The following NRP2 variants were observed in gnomAD, a reference collection of about 807,000 sequenced individuals.
NRP2 encodes neuropilin 2, also known as neuropilin-2.
Under a neutral mutation model 110.4 loss-of-function variants are expected in NRP2, and 52 were observed. That is an observed-to-expected ratio of 0.47 (90% CI 0.38 to 0.59). The LOEUF is 0.59. Ranked by LOEUF, NRP2 falls within the 20% of genes least tolerant of loss-of-function variation. The probability of loss-of-function intolerance (pLI) is 0.00; values close to 1 mark genes in which losing one functional copy is unlikely to be tolerated. For synonymous variants in NRP2, 508 were observed against 468.9 expected (o/e 1.08, Z -1.08); for missense variants, 1,049 against 1,203.0 (o/e 0.87, Z 1.89).
intron 1 of NRP2, among the ~76,000 whole-genome samples, chr2:205,685,331 C>T (rs1284815451): frequency 6.6e-6 from 1 of 152,212 alleles, no homozygotes. Context: ...CGATCTCAAG[C>T]CGTGAGCTGC....
In NRP2 at chr2:205,766,900, T is replaced by A. The variant is rs1046974339; in HGVS notation, c.2425+97T>A. ...GATGGGGGGAATCAACCTCCAAATTTGTCAAATCTCGCAAGAGAAAAGAGA... is the reference window on the plus strand; with the variant it reads ...GATGGGGGGAATCAACCTCCAAATTAGTCAAATCTCGCAAGAGAAAAGAGA... On this transcript the variant is annotated intron_variant, in intron 15 of 16. Transcript: ENST00000357785. The A allele has an allele frequency of 2.7e-5, 32 of 1,165,724 alleles. No individual in the cohort carries two copies. The East Asian group carries it at 7.5e-4, about 27-fold the overall frequency. 72.2% of individuals were successfully genotyped at this position (1,165,724 alleles called of 1,614,324 possible).
In NRP2 at chr2:205,722,595, A is replaced by G; in HGVS notation, c.551A>G (p.Lys184Arg). The G allele has an allele frequency of 6.2e-7, 1 of 1,614,228 alleles. No homozygotes were observed. The highest frequency in any genetic ancestry group is 8.5e-7 in the Non-Finnish European group (1 of 1,180,032). The change falls in exon 4 of 17, where the codon AAG becomes AGG. Residue 184 changes from lysine (K) to arginine (R), a missense_variant. Transcript: ENST00000357785. ...DCTFTILAKP[K>R]MEIILQFLIF... is the part of the protein sequence containing the mutation. ...ACCTTTACCATCCTGGCCAAACCCA[A>G]GATGGAGATCATCCTGCAGTTCCTG...
At chr2:205,687,161 C>T (rs549000081) in intron 1 of NRP2, among the ~76,000 whole-genome samples, 1 of 152,240 alleles carries the variant, frequency 6.6e-6, no homozygotes, top group African/African-American at 2.4e-5. Flanking sequence ...GTCAATTCAC[C>T]CTTCCGTCTG....
intron 7 of NRP2, among the ~76,000 whole-genome samples, chr2:205,734,814 T>C (rs2057314106): frequency 6.6e-6 from 1 of 152,222 alleles, no homozygotes; most frequent in East Asian, 1.9e-4. Flanking sequence ...GAACATCTCG[T>C]GCACAATGTC....
chr2:205,701,036 G>T, intron 2 of NRP2: 1 of 204,438 alleles, frequency 4.9e-6, no homozygotes. Context: ...GAGGCCTTTC[G>T]CTTGAGTCAT....
At chr2:205,717,913 T>C (rs563002547) in intron 3 of NRP2, among the ~76,000 whole-genome samples, 6 of 152,312 alleles carry the variant, frequency 3.9e-5, no homozygotes, top group African/African-American at 1.2e-4. Context: ...TGGATGAGTA[T>C]GTATGTAAAT....
In NRP2 at chr2:205,723,930, G is replaced by A. The variant is rs200740591; in HGVS notation, c.810G>A (p.Glu270=). The A allele has an allele frequency of 6.7e-5, 108 of 1,614,146 alleles. 2 individuals carry two copies. The South Asian group carries it at 1.2e-3, about 17-fold the overall frequency. ...FSARYYLVHQ[E]PLENFQCNVP... ...CGCGTTACTACCTGGTCCACCAAGA[G>A]CCACTAGAGAGTGAGTTGGCCGATT... is the stretch of plus-strand genomic sequence containing the variant. The change falls in exon 5 of 17, where the codon GAG becomes GAA. Residue 270 remains glutamate, a synonymous_variant. Transcript: ENST00000357785.
chr2:205,767,291 C>T (rs1423466918), intron 15 of NRP2: 1 of 417,296 alleles, frequency 2.4e-6, no homozygotes, highest in South Asian at 1.7e-5. Flanking sequence ...TGTGTACAGC[C>T]TGCAGTCAGT....
rs993478776 is a variant in NRP2 at position 205,795,167 on chromosome 2, A to T, written c.*109A>T. On this transcript the variant is annotated 3_prime_UTR_variant, in exon 17 of 17. Coordinates refer to ENST00000357785, the MANE Select transcript of NRP2 (RefSeq NM_003872.3). Reference sequence around the variant, plus strand: ...GAATGCCATAATCTCGATCAAACCGATCCAGAATACCGAAGGTATGGACAG... The same window carrying T: ...GAATGCCATAATCTCGATCAAACCGTTCCAGAATACCGAAGGTATGGACAG... 14 of 1,104,910 alleles carry T rather than the reference A, an allele frequency of 1.3e-5. No individual in the cohort carries two copies. Among genetic ancestry groups the T allele is most frequent in the Non-Finnish European group, 4.0e-6 (3 of 749,528 alleles). The allele number at this position is 1,104,910 out of a possible 1,614,324, so 68.4% of individuals were successfully genotyped here.
At position 205,745,763 on chromosome 2, in the gene NRP2, G is replaced by A. The variant is rs778552102; in HGVS notation, c.1659G>A (p.Met553Ile). 1 of 1,614,216 alleles carries A rather than the reference G, an allele frequency of 6.2e-7. No individual in the cohort carries two copies. The highest frequency in any genetic ancestry group is 8.5e-7 in the Non-Finnish European group (1 of 1,180,034). The change falls in exon 10 of 17, where the codon ATG becomes ATA. Residue 553 changes from methionine to isoleucine, a missense_variant. Met to Ile is a conservative substitution (Grantham distance 10). Transcript: ENST00000357785. ...CCCTGCAGCTGTTCGAAGGGAACAT[G>A]CACTATGACACCCCTGACATCCGAA... is the stretch of plus-strand genomic sequence containing the variant. ...TQQPKLFEGN[M>I]HYDTPDIRRF...
At chr2:205,690,562 C>T in intron 1 of NRP2, among the ~76,000 whole-genome samples, 1 of 145,906 alleles carries the variant, frequency 6.9e-6, no homozygotes. Flanking sequence ...ATAGCAAGAC[C>T]CCATCCCTGC....
At chr2:205,771,731 C>T (rs2058026651) in intron 15 of NRP2, among the ~76,000 whole-genome samples, 1 of 152,186 alleles carries the variant, frequency 6.6e-6, no homozygotes, top group Admixed American at 6.5e-5. Context: ...TTTCCTCTTC[C>T]CTCCCTACTT....
At chr2:205,684,991 C>CAACT (rs1484097448) in intron 1 of NRP2, among the ~76,000 whole-genome samples, 1 of 152,232 alleles carries the variant, frequency 6.6e-6, no homozygotes, top group African/African-American at 2.4e-5. Flanking sequence ...CACACACATG[C>CAACT]AACTTCAGGT....
At position 205,794,807 on chromosome 2, in the gene NRP2, GC is replaced by G; in HGVS notation, c.2535del (p.Ser846ArgfsTer22). ...TTCTTCTGCAACCTCAGGGTCTGGC[GC>G]CCCCTCGACCGACAAAGAAAAGAGC... ...NSSSATSGSG[A>X]PSTDKEKSWL... On this transcript the variant is annotated frameshift_variant, in exon 17 of 17. Transcript: ENST00000357785. LOFTEE classifies it high-confidence loss of function. 6.2e-7 allele frequency: 1 copy of G among 1,614,160 alleles called. No homozygotes were observed. The highest frequency in any genetic ancestry group is 8.5e-7 in the Non-Finnish European group (1 of 1,180,030).
At chr2:205,703,250 G>A (rs921815384) in intron 2 of NRP2, among the ~76,000 whole-genome samples, 1 of 152,214 alleles carries the variant, frequency 6.6e-6, no homozygotes, top group African/African-American at 2.4e-5. Context: ...GGCCAAGAAT[G>A]TCACTAACTG....
intron 15 of NRP2, among the ~76,000 whole-genome samples, chr2:205,772,628 CG>C (rs2058039782): frequency 1.3e-5 from 2 of 152,108 alleles, no homozygotes; most frequent in South Asian, 4.1e-4. Context: ...TGTGAGTAAG[CG>C]GTAGAAATTA....
intron 3 of NRP2, among the ~76,000 whole-genome samples, chr2:205,717,147 C>T (rs2105795000): frequency 6.6e-6 from 1 of 152,218 alleles, no homozygotes; most frequent in African/African-American, 2.4e-5. Flanking sequence ...CAAGCTCTCC[C>T]AGTGGTGTGT....
intron 16 of NRP2, among the ~76,000 whole-genome samples, chr2:205,793,411 A>C (rs1292095817): frequency 1.3e-5 from 2 of 152,224 alleles, no homozygotes; most frequent in African/African-American, 4.8e-5. Flanking sequence ...ATTTCAAAAA[A>C]TGATGCCCAG....
chr2:205,777,939 T>C (rs2058124906), intron 15 of NRP2: 1 of 152,214 alleles, frequency 6.6e-6, no homozygotes, highest in Admixed American at 6.5e-5. Flanking sequence ...AATGAAGATG[T>C]AACCATTGCT....
Sources: gnomAD v4.1 joint callset for allele counts (sites outside exome capture counted in the v4.1 genomes callset) on GRCh38, gnomAD v4.1.1 for gene constraint, MANE v1.5 for transcripts, NCBI Gene and HGNC (gene_info 2026-07-23, HGNC 2026-07-21) for gene names.